TPD52L1: variants seen among roughly 807,000 people sequenced by gnomAD.
The protein encoded by TPD52L1 is TPD52 like 1.
A neutral mutation model predicts 28.7 loss-of-function variants in TPD52L1; 18 were observed. The ratio of observed to expected loss-of-function variants is 0.63; its 90% confidence interval spans 0.43 to 0.93. The LOEUF is 0.93. TPD52L1 is among the 40% of genes least tolerant of loss of function. TPD52L1 has a pLI of 0.00. For synonymous variants in TPD52L1, 75 were observed against 88.8 expected, an observed-to-expected ratio of 0.84 and a Z score of 0.88; for missense variants, 203 against 254.8, an observed-to-expected ratio of 0.80 and a Z score of 1.39.
intron 1 of TPD52L1, among the ~76,000 whole-genome samples, chr6:125,197,763 G>T (rs752150733): frequency 1.1e-4 from 17 of 152,134 alleles, no homozygotes; most frequent in Admixed American, 3.3e-4. Flanking sequence ...TCTAAAAGAG[G>T]CATCTGGGTG....
chr6:125,216,609 A>G (rs1332279335), intron 1 of TPD52L1, among the ~76,000 whole-genome samples: 1 of 148,620 alleles, frequency 6.7e-6, no homozygotes, highest in Non-Finnish European at 1.5e-5. Context: ...AAGAAATACC[A>G]GAAAGGAAGG....
intron 1 of TPD52L1, among the ~76,000 whole-genome samples, chr6:125,158,270 G>GA (rs1229843315): frequency 6.6e-6 from 1 of 152,070 alleles, no homozygotes; most frequent in African/African-American, 2.4e-5. Flanking sequence ...ATCCACTCAA[G>GA]AAGAGTCTCA....
At chr6:125,248,196 A>T (rs1797031085) in intron 3 of TPD52L1, 86 bp from the exon 4 acceptor site, 1 of 1,105,728 alleles carries the variant, frequency 9.0e-7, no homozygotes, top group African/African-American at 1.5e-5. Flanking sequence ...AGGAAAGGAC[A>T]TTTTCAAAGT....
Position 125,253,926 on chromosome 6 carries a change from G to A in TPD52L1, c.425+171G>A, listed in dbSNP as rs148233006. 162 of 780,648 alleles carry A rather than the reference G, an allele frequency of 2.1e-4. No individual in the cohort carries two copies. In the African/African-American group the frequency reaches 2.3e-3, roughly 11 times the overall value. The allele number at this position is 780,648 out of a possible 1,614,324, so 48.4% of individuals were successfully genotyped here. A position where few individuals can be genotyped will look rare whatever the true frequency, so the allele number is the denominator to read the frequency against. On this transcript the variant is annotated intron_variant, in intron 5 of 6. Coordinates refer to ENST00000534000, the MANE Select transcript of TPD52L1 (RefSeq NM_003287.4). ...GAAGAATTGCGTAGCTTGGGCTTTT[G>A]ACCAGACATCCTGGCTTAAATCTAG... is the stretch of plus-strand genomic sequence containing the variant.
chr6:125,237,691 A>G (rs1225394914), intron 3 of TPD52L1, among the ~76,000 whole-genome samples: 3 of 151,996 alleles, frequency 2.0e-5, no homozygotes, highest in Non-Finnish European at 2.9e-5. Context: ...TCCTTTATTT[A>G]TTTAATTTAT....
rs1222251108 is a variant in TPD52L1 at position 125,260,914 on chromosome 6, AAAGAAAG to A, written c.487-1910_487-1904del. 34 of 92,760 alleles carry A rather than the reference AAAGAAAG, an allele frequency of 3.7e-4. 1 individual carries two copies. The East Asian group carries it at 3.9e-3, about 11-fold the overall frequency. 5.7% of individuals were successfully genotyped at this position (92,760 alleles called of 1,614,324 possible). Reference sequence around the variant, plus strand: ...AAAGAGAGGGAGAAAGAAAGGAAAGAAAGAAAGAAGAAAGAAAGAAAGAAAGAAAGAA... The same window carrying A: ...AAAGAGAGGGAGAAAGAAAGGAAAGAAAGAAAGAAAGAAAGAAAGAAAGAA... On this transcript the variant is annotated intron_variant, in intron 6 of 6. Coordinates refer to ENST00000534000, the MANE Select transcript of TPD52L1 (RefSeq NM_003287.4).
chr6:125,245,527 TG>T (rs1459263603), intron 3 of TPD52L1, among the ~76,000 whole-genome samples: 2 of 152,010 alleles, frequency 1.3e-5, no homozygotes, highest in Non-Finnish European at 2.9e-5. Flanking sequence ...TACCATCAAG[TG>T]GGGGCAGGGA....
intron 3 of TPD52L1, among the ~76,000 whole-genome samples, chr6:125,230,191 A>G (rs1795866914): frequency 6.6e-6 from 1 of 152,148 alleles, no homozygotes; most frequent in South Asian, 2.1e-4. Context: ...CACTTTTTTT[A>G]TTAGATTATT....
At chr6:125,167,014 T>A (rs1021984930) in intron 1 of TPD52L1, among the ~76,000 whole-genome samples, 1 of 152,104 alleles carries the variant, frequency 6.6e-6, no homozygotes, top group African/African-American at 2.4e-5. Context: ...TCCAGCACTT[T>A]TGGAGGCCGA....
intron 2 of TPD52L1, 76 bp downstream of exon 2, chr6:125,220,269 G>C: frequency 1.1e-6 from 1 of 914,190 alleles, no homozygotes; most frequent in Non-Finnish European, 1.7e-6. Context: ...TATAATAATT[G>C]TAATGATGTT....
intron 4 of TPD52L1, chr6:125,251,977 G>A: frequency 6.5e-7 from 1 of 1,535,328 alleles, no homozygotes; most frequent in Non-Finnish European, 8.7e-7. Flanking sequence ...CCTCCTGTTT[G>A]CTAACTCTGC....
At chr6:125,234,885 G>A (rs763791492) in intron 3 of TPD52L1, among the ~76,000 whole-genome samples, 2 of 151,880 alleles carry the variant, frequency 1.3e-5, no homozygotes, top group Admixed American at 6.6e-5. Flanking sequence ...TTGAGCTCAC[G>A]AGTTCAAGAT....
intron 3 of TPD52L1, among the ~76,000 whole-genome samples, chr6:125,243,145 G>A (rs1796715001): frequency 6.6e-6 from 1 of 152,094 alleles, no homozygotes; most frequent in Admixed American, 6.6e-5. Flanking sequence ...AATCCCTTCT[G>A]GCTTGTAAGA....
chr6:125,156,463 C>CAAAAAAAAAAAAAA lies in TPD52L1; in HGVS notation c.19+2497_19+2510dup, dbSNP rs758623258. On this transcript the variant is annotated intron_variant, in intron 1 of 6. Coordinates refer to ENST00000534000, the MANE Select transcript of TPD52L1 (RefSeq NM_003287.4). ...TCTGGACAAGAGTGAGACCTTGTCT[C>CAAAAAAAAAAAAAA]AAAAAAAAAAAAAAAAAGAGAGAGA... Among the ~76,000 whole-genome samples, 123 of 37,022 alleles carry CAAAAAAAAAAAAAA rather than the reference C, an allele frequency of 3.3e-3. 1 individual carries two copies. The highest frequency in any genetic ancestry group is 0.012 in the Middle Eastern group (1 of 86). The allele number at this position is 37,022 out of a possible 152,430, so 24.3% of individuals were successfully genotyped here. A position where few individuals can be genotyped will look rare whatever the true frequency, so the allele number is the denominator to read the frequency against.
In TPD52L1 at chr6:125,229,169, C is replaced by A. The variant is rs759688411; in HGVS notation, c.187C>A (p.His63Asn). 6.8e-6 allele frequency: 11 copies of A among 1,613,276 alleles called. No individual in the cohort carries two copies. Among genetic ancestry groups the A allele is most frequent in the Non-Finnish European group, 8.5e-6 (10 of 1,179,716 alleles). Residue 63 changes from histidine (H) to asparagine (N), a missense_variant, in exon 3 of 7, where the codon CAT becomes AAT. His to Asn is a moderately conservative substitution (Grantham distance 68). Transcript: ENST00000534000. ...LRQVLSAKERHLVEIKQKLGM... is the reference protein window; with the variant it reads ...LRQVLSAKERNLVEIKQKLGM... Reference sequence around the variant, plus strand: ...ACAAGTTTTGTCAGCGAAAGAAAGGCATCTAGTTGAGATAAAACAAAAACT... The same window carrying A: ...ACAAGTTTTGTCAGCGAAAGAAAGGAATCTAGTTGAGATAAAACAAAAACT...
intron 1 of TPD52L1, among the ~76,000 whole-genome samples, chr6:125,216,336 T>A (rs1304269549): frequency 6.6e-6 from 1 of 151,956 alleles, no homozygotes; most frequent in Non-Finnish European, 1.5e-5. Flanking sequence ...AAGCACCTAA[T>A]GACTTAGCTA....
intron 1 of TPD52L1, among the ~76,000 whole-genome samples, chr6:125,189,871 T>G (rs1260847994): frequency 6.6e-6 from 1 of 152,160 alleles, no homozygotes; most frequent in Non-Finnish European, 1.5e-5. Flanking sequence ...CAGAGAAGAA[T>G]ATAAAGTAAA....
At chr6:125,222,819 C>T (rs1267870232) in intron 2 of TPD52L1, among the ~76,000 whole-genome samples, 1 of 152,160 alleles carries the variant, frequency 6.6e-6, no homozygotes, top group African/African-American at 2.4e-5. Flanking sequence ...ATTAACTTCC[C>T]TCTTTATTCT....
chr6:125,172,525 T>C (rs1791494574), intron 1 of TPD52L1, among the ~76,000 whole-genome samples: 1 of 71,198 alleles, frequency 1.4e-5, no homozygotes, highest in Non-Finnish European at 2.5e-5. Context: ...TATATATATA[T>C]ATATATATAT....
Sources: gnomAD v4.1 joint callset for allele counts (sites outside exome capture counted in the v4.1 genomes callset) on GRCh38, gnomAD v4.1.1 for gene constraint, MANE v1.5 for transcripts, NCBI Gene and HGNC (gene_info 2026-07-23, HGNC 2026-07-21) for gene names.